Variants in CCDC60 observed in about 807,000 individuals in gnomAD.
CCDC60 encodes coiled-coil domain-containing protein 60.
A neutral mutation model predicts 63.5 loss-of-function variants in CCDC60; 54 were observed. The ratio of observed to expected loss-of-function variants is 0.85; its 90% CI spans 0.68 to 1.07. The LOEUF (loss-of-function observed/expected upper bound fraction) is 1.07. Ranked by LOEUF, CCDC60 falls within the 50% of genes least tolerant of loss-of-function variation. The pLI is 0.00. For synonymous variants in CCDC60, 206 were observed against 238.8 expected (o/e 0.86, Z 1.27); for missense variants, 651 against 684.3 (o/e 0.95, Z 0.54).
chr12:119,434,138 C>T (rs1305779196), intron 2 of CCDC60, among the ~76,000 whole-genome samples: 1 of 152,330 alleles, frequency 6.6e-6, no homozygotes, highest in East Asian at 1.9e-4. Flanking sequence ...TATCCACTCT[C>T]CCCTACCCCC....
chr12:119,417,218 TG>T (rs1465030790), intron 1 of CCDC60, among the ~76,000 whole-genome samples: 1 of 152,104 alleles, frequency 6.6e-6, no homozygotes, highest in Non-Finnish European at 1.5e-5. Context: ...AGAGGACACT[TG>T]GCAATGTCTG....
Position 119,540,988 on chromosome 12 carries a change from T to G in CCDC60, c.*273T>G. The stretch of plus-strand genomic sequence containing the variant: ...TGACTCTACCTACTTCCTCTTCAGA[T>G]TCCTTCACCCTATTTACCTTCCTCA... On this transcript the variant is annotated 3_prime_UTR_variant, in exon 14 of 14. Transcript: ENST00000327554. 1 of 346,168 alleles carries G rather than the reference T, an allele frequency of 2.9e-6. No individual in the cohort carries two copies. Among genetic ancestry groups the G allele is most frequent in the Non-Finnish European group, 5.2e-6 (1 of 191,220 alleles). 21.4% of individuals were successfully genotyped at this position (346,168 alleles called of 1,614,324 possible).
chr12:119,446,442 G>A (rs911166383), intron 2 of CCDC60, among the ~76,000 whole-genome samples: 2 of 152,178 alleles, frequency 1.3e-5, no homozygotes, highest in East Asian at 1.9e-4. Context: ...GGTGAATGTC[G>A]CCACAATTTG....
intron 2 of CCDC60, among the ~76,000 whole-genome samples, chr12:119,451,705 C>A (rs1950638950): frequency 6.6e-6 from 1 of 152,096 alleles, no homozygotes; most frequent in South Asian, 2.1e-4. Flanking sequence ...TGGCACAGCA[C>A]CTTTTACACA....
At chr12:119,511,515 A>T (rs1242373585) in intron 7 of CCDC60, among the ~76,000 whole-genome samples, 1 of 152,144 alleles carries the variant, frequency 6.6e-6, no homozygotes, top group African/African-American at 2.4e-5. Flanking sequence ...ACTCAAAAAC[A>T]TGAGTCCTAT....
intron 1 of CCDC60, among the ~76,000 whole-genome samples, chr12:119,400,743 A>T (rs1956377125): frequency 6.6e-6 from 1 of 152,202 alleles, no homozygotes; most frequent in South Asian, 2.1e-4. Context: ...TGCTGCTGGC[A>T]TTGGTTCATG....
chr12:119,344,249 C>T (rs1284864134), intron 1 of CCDC60, among the ~76,000 whole-genome samples: 1 of 152,094 alleles, frequency 6.6e-6, no homozygotes, highest in Non-Finnish European at 1.5e-5. Context: ...TGCCAAATGT[C>T]CTCAGGGGGC....
At chr12:119,486,470 G>T (rs1412623579) in intron 4 of CCDC60, among the ~76,000 whole-genome samples, 1 of 152,192 alleles carries the variant, frequency 6.6e-6, no homozygotes, top group Non-Finnish European at 1.5e-5. Context: ...CCCAGGAGTT[G>T]GAGGCTGCAG....
chr12:119,445,534 G>GCAAAGT (rs1950529190), intron 2 of CCDC60, among the ~76,000 whole-genome samples: 1 of 148,786 alleles, frequency 6.7e-6, no homozygotes, highest in African/African-American at 2.5e-5. Context: ...CAAGCAGGCT[G>GCAAAGT]CAAAGTGTTG....
chr12:119,493,363 G>A (rs1434997519), intron 5 of CCDC60, among the ~76,000 whole-genome samples: 1 of 152,040 alleles, frequency 6.6e-6, no homozygotes, highest in Non-Finnish European at 1.5e-5. Flanking sequence ...GCTTTCTACA[G>A]GCAGCAAAAT....
At chr12:119,398,189 G>A in intron 1 of CCDC60, among the ~76,000 whole-genome samples, 1 of 150,962 alleles carries the variant, frequency 6.6e-6, no homozygotes, top group Admixed American at 6.6e-5. Context: ...CTGCCCTGTG[G>A]GGAGGTGGCT....
At chr12:119,398,316 C>T (rs1055295258) in intron 1 of CCDC60, among the ~76,000 whole-genome samples, 5 of 152,096 alleles carry the variant, frequency 3.3e-5, no homozygotes, top group South Asian at 4.1e-4. Context: ...GCACCGGCAC[C>T]GGCCAGCCGC....
At chr12:119,354,661 A>C (rs562693389) in intron 1 of CCDC60, among the ~76,000 whole-genome samples, 1 of 152,344 alleles carries the variant, frequency 6.6e-6, no homozygotes, top group African/African-American at 2.4e-5. Context: ...TGTTTGCATA[A>C]AGAACTTGAT....
At chr12:119,462,434 C>T (rs1950871875) in intron 2 of CCDC60, among the ~76,000 whole-genome samples, 1 of 152,142 alleles carries the variant, frequency 6.6e-6, no homozygotes, top group Admixed American at 6.5e-5. Context: ...GATTATGTGG[C>T]ATGGGTTTTG....
At chr12:119,465,872 C>A (rs550112588) in intron 2 of CCDC60, among the ~76,000 whole-genome samples, 1 of 152,300 alleles carries the variant, frequency 6.6e-6, no homozygotes, top group Non-Finnish European at 1.5e-5. Flanking sequence ...CTGGCATAAA[C>A]CTCTTTGGAA....
At chr12:119,530,026 T>C (rs540506183) in intron 12 of CCDC60, among the ~76,000 whole-genome samples, 13 of 152,344 alleles carry the variant, frequency 8.5e-5, no homozygotes, top group Middle Eastern at 3.4e-3. Context: ...TTTCAAATGA[T>C]AGTTATTGAG....
At chr12:119,474,699 C>G (rs944890526) in intron 3 of CCDC60, among the ~76,000 whole-genome samples, 2 of 152,126 alleles carry the variant, frequency 1.3e-5, no homozygotes, top group African/African-American at 2.4e-5. Context: ...TGTTCTGTGA[C>G]TTTCACCTTA....
intron 2 of CCDC60, among the ~76,000 whole-genome samples, chr12:119,460,792 G>A (rs1300496798): frequency 6.6e-6 from 1 of 152,182 alleles, no homozygotes; most frequent in Admixed American, 6.5e-5. Flanking sequence ...TCCCAACCCT[G>A]AATGTAGGGG....
intron 4 of CCDC60, chr12:119,479,857 T>G (rs1278145634): frequency 6.6e-6 from 1 of 152,202 alleles, no homozygotes; most frequent in Non-Finnish European, 1.5e-5. Flanking sequence ...TGTGAAAGGC[T>G]GTCCTGTGTA....
Sources: gnomAD v4.1 joint callset for allele counts (sites outside exome capture counted in the v4.1 genomes callset) on GRCh38, gnomAD v4.1.1 for gene constraint, MANE v1.5 for transcripts, NCBI Gene and HGNC (gene_info 2026-07-23, HGNC 2026-07-21) for gene names.